Variants in AIG1 observed in about 807,000 individuals in gnomAD.
AIG1 encodes androgen-induced gene 1 protein.
In AIG1, 23 loss-of-function variants were observed where a neutral mutation model predicts 31.4. That is an observed-to-expected ratio of 0.73 (90% CI 0.53 to 1.04). The LOEUF is 1.04. AIG1 is among the 50% of genes least tolerant of loss of function. AIG1 has a pLI of 0.00. For synonymous variants in AIG1, 100 were observed against 110.5 expected, an observed-to-expected ratio of 0.90 and a Z score of 0.60; for missense variants, 274 against 295.0, an observed-to-expected ratio of 0.93 and a Z score of 0.52.
At chr6:143,135,911 C>T (rs548655633) in intron 1 of AIG1, among the ~76,000 whole-genome samples, 2 of 152,226 alleles carry the variant, frequency 1.3e-5, no homozygotes, top group Admixed American at 6.5e-5. Context: ...TGAATCTATC[C>T]TTGGTGCTAA....
At chr6:143,145,521 C>A in intron 2 of AIG1, among the ~76,000 whole-genome samples, 1 of 150,110 alleles carries the variant, frequency 6.7e-6, no homozygotes, top group South Asian at 2.3e-4. Flanking sequence ...GTCTCTTCAT[C>A]AGGTGAAGAG....
chr6:143,336,505 C>A (rs1383484469), intron 5 of AIG1, among the ~76,000 whole-genome samples: 1 of 152,078 alleles, frequency 6.6e-6, no homozygotes, highest in African/African-American at 2.4e-5. Context: ...TGATTAGGGC[C>A]CACCCTGATG....
chr6:143,294,753 C>T (rs118171627), intron 4 of AIG1, among the ~76,000 whole-genome samples: 2,708 of 152,200 alleles, frequency 0.018, 25 homozygotes, highest in Middle Eastern at 0.078. Context: ...AACAAACCCC[C>T]CCTCTTCCTG....
Position 143,096,871 on chromosome 6 carries a change from A to G in AIG1, c.141+35805A>G, listed in dbSNP as rs377530194. Reference sequence around the variant, plus strand: ...TCATTGATACTGTAATACAATTGCAATTGCCTTATTCCTACTTTACATTTT... The same window carrying G: ...TCATTGATACTGTAATACAATTGCAGTTGCCTTATTCCTACTTTACATTTT... On this transcript the variant is annotated intron_variant, in intron 1 of 5. Coordinates refer to ENST00000357847, the MANE Select transcript of AIG1 (RefSeq NM_016108.4). Among the ~76,000 whole-genome samples, 7 of 152,344 alleles carry G rather than the reference A, an allele frequency of 4.6e-5. No homozygotes were observed. The South Asian group carries it at 1.0e-3, about 23-fold the overall frequency.
chr6:143,136,553 G>A (rs540520270), intron 1 of AIG1, among the ~76,000 whole-genome samples: 13 of 152,268 alleles, frequency 8.5e-5, no homozygotes, highest in African/African-American at 2.4e-4. Context: ...TGGTTTGATC[G>A]TTGATACTTC....
chr6:143,286,435 T>A (rs555810821), intron 4 of AIG1, among the ~76,000 whole-genome samples: 1 of 152,346 alleles, frequency 6.6e-6, no homozygotes, highest in East Asian at 1.9e-4. Context: ...GCATTCAAAG[T>A]AGACTTTTTC....
chr6:143,216,058 G>T (rs1047907907), intron 3 of AIG1, among the ~76,000 whole-genome samples: 33 of 151,888 alleles, frequency 2.2e-4, no homozygotes, highest in Admixed American at 2.0e-3. Flanking sequence ...CTGTGATTTT[G>T]AGTCCTTGTG....
At chr6:143,275,791 G>C (rs1026522926) in intron 3 of AIG1, among the ~76,000 whole-genome samples, 2 of 152,182 alleles carry the variant, frequency 1.3e-5, no homozygotes, top group African/African-American at 2.4e-5. Context: ...TCATAGTATA[G>C]TGGTTTGCCT....
At chr6:143,234,150 G>A (rs915463242) in intron 3 of AIG1, among the ~76,000 whole-genome samples, 1 of 152,166 alleles carries the variant, frequency 6.6e-6, no homozygotes, top group Non-Finnish European at 1.5e-5. Context: ...GTTGGTGGTC[G>A]GCGGGGGGAC....
chr6:143,171,459 TATATATTTA>T (rs1787553797), intron 3 of AIG1, among the ~76,000 whole-genome samples: 1 of 53,252 alleles, frequency 1.9e-5, no homozygotes, highest in Non-Finnish European at 2.7e-5. Context: ...ATATTTAATA[TATATATTTA>T]ATATATATAA....
intron 3 of AIG1, among the ~76,000 whole-genome samples, chr6:143,283,275 A>G (rs990823275): frequency 6.6e-6 from 1 of 152,174 alleles, no homozygotes; most frequent in Non-Finnish European, 1.5e-5. Flanking sequence ...GAATCAGAAA[A>G]ACAAAAAGAT....
chr6:143,218,479 A>G (rs191089922), intron 3 of AIG1, among the ~76,000 whole-genome samples: 259 of 152,336 alleles, frequency 1.7e-3, no homozygotes, highest in Non-Finnish European at 2.1e-3. Flanking sequence ...CCAAATAGGA[A>G]ATTCGTTGCT....
chr6:143,284,147 G>GGACAT lies in AIG1; in HGVS notation c.438_442dup (p.Ser148Ter). 6.2e-7 allele frequency: 1 copy of GGACAT among 1,613,992 alleles called. No homozygotes were observed. The highest frequency in any genetic ancestry group is 8.5e-7 in the Non-Finnish European group (1 of 1,179,942). On this transcript the variant is annotated frameshift_variant, in exon 4 of 6. Coordinates refer to ENST00000357847, the MANE Select transcript of AIG1 (RefSeq NM_016108.4). LOFTEE classifies it high-confidence loss of function. The surrounding 1 kb of genome is among the most constrained non-coding windows in gnomAD (Gnocchi z 4.4). The stretch of plus-strand genomic sequence containing the variant: ...CTGCCCTTTATATTAATCGAGATGA[G>GGACAT]GACATCGCACCATCAGTATCCCAGC...
intron 2 of AIG1, among the ~76,000 whole-genome samples, chr6:143,160,302 C>G (rs1039089484): frequency 3.9e-5 from 6 of 152,178 alleles, no homozygotes; most frequent in African/African-American, 1.4e-4. Flanking sequence ...AAAGCTTCTT[C>G]TTAGAAGTGG....
At chr6:143,077,780 GA>G (rs1179831206) in intron 1 of AIG1, among the ~76,000 whole-genome samples, 1 of 152,054 alleles carries the variant, frequency 6.6e-6, no homozygotes, top group African/African-American at 2.4e-5. Flanking sequence ...TTTTTTCTAT[GA>G]TTACCTCTTT....
chr6:143,314,764 C>A (rs1399650609), intron 4 of AIG1, among the ~76,000 whole-genome samples: 2 of 152,058 alleles, frequency 1.3e-5, no homozygotes, highest in Non-Finnish European at 2.9e-5. Flanking sequence ...TAACCCTTTT[C>A]CATTTAGAAA....
chr6:143,103,751 C>G (rs889443748), intron 1 of AIG1, among the ~76,000 whole-genome samples: 2 of 151,924 alleles, frequency 1.3e-5, no homozygotes, highest in African/African-American at 2.4e-5. Flanking sequence ...TCGTGATCCG[C>G]CCGCCTCGGC....
chr6:143,302,227 TTTA>T (rs1798879040), intron 4 of AIG1, among the ~76,000 whole-genome samples: 1 of 151,742 alleles, frequency 6.6e-6, no homozygotes, highest in African/African-American at 2.4e-5. Context: ...TTAATTTAAT[TTTA>T]TTATTATTAT....
intron 1 of AIG1, among the ~76,000 whole-genome samples, chr6:143,076,009 A>G (rs78967630): frequency 0.019 from 2,956 of 152,316 alleles, 33 homozygotes; most frequent in Middle Eastern, 0.048. Context: ...ATCATGTTAC[A>G]TATTCAGTGT....
Sources: gnomAD v4.1 joint callset for allele counts (sites outside exome capture counted in the v4.1 genomes callset) on GRCh38, gnomAD v4.1.1 for gene constraint, Gnocchi (gnomAD v3.1) non-coding constraint, MANE v1.5 for transcripts, NCBI Gene and HGNC (gene_info 2026-07-23, HGNC 2026-07-21) for gene names.